PTPRK: variants seen among roughly 807,000 people sequenced by gnomAD.
PTPRK encodes the protein protein tyrosine phosphatase receptor type K.
PTPRK carries 75 observed loss-of-function variants against 178.0 expected under a neutral mutation model. That is an observed-to-expected ratio of 0.42 (90% CI 0.35 to 0.51). The LOEUF is 0.51. PTPRK is among the 20% of genes least tolerant of loss of function. The pLI is 0.02. For synonymous variants in PTPRK, 637 were observed against 620.6 expected (o/e 1.03, Z -0.39); for missense variants, 1,441 against 1,797.8 (o/e 0.80, Z 3.59).
At chr6:128,306,513 C>T (rs1562252584) in intron 3 of PTPRK, among the ~76,000 whole-genome samples, 1 of 152,114 alleles carries the variant, frequency 6.6e-6, no homozygotes, top group Non-Finnish European at 1.5e-5. Flanking sequence ...TCGAGAGAAT[C>T]GGCAAGGTAT....
At chr6:128,455,001 A>C (rs1267741491) in intron 1 of PTPRK, among the ~76,000 whole-genome samples, 2 of 152,184 alleles carry the variant, frequency 1.3e-5, no homozygotes, top group Non-Finnish European at 2.9e-5. Flanking sequence ...GCAAAGAGTC[A>C]ATCTCTAAGT....
chr6:128,312,383 C>T (rs1397380907), intron 3 of PTPRK, among the ~76,000 whole-genome samples: 1 of 152,110 alleles, frequency 6.6e-6, no homozygotes, highest in African/African-American at 2.4e-5. Flanking sequence ...TGGAAGCCAA[C>T]TGTAGTTTCA....
At chr6:128,463,587 A>G (rs968151676) in intron 1 of PTPRK, among the ~76,000 whole-genome samples, 1 of 151,636 alleles carries the variant, frequency 6.6e-6, no homozygotes, top group African/African-American at 2.4e-5. Context: ...AGTTTTATAT[A>G]AAACAAGTTT....
intron 3 of PTPRK, among the ~76,000 whole-genome samples, chr6:128,257,470 A>C (rs1817525510): frequency 6.6e-6 from 1 of 152,210 alleles, no homozygotes; most frequent in East Asian, 1.9e-4. Context: ...AACATGTAAT[A>C]GTATGCCTAA....
intron 13 of PTPRK, among the ~76,000 whole-genome samples, chr6:128,028,998 C>T (rs1189875094): frequency 6.6e-6 from 1 of 152,144 alleles, no homozygotes; most frequent in African/African-American, 2.4e-5. Flanking sequence ...ATCCATCTTC[C>T]ATGGTCAGTT....
At chr6:128,508,912 A>T (rs1237143558) in intron 1 of PTPRK, among the ~76,000 whole-genome samples, 1 of 151,142 alleles carries the variant, frequency 6.6e-6, no homozygotes, top group Non-Finnish European at 1.5e-5. Context: ...ATGCCACTGC[A>T]CTCCAGCCTG....
intron 1 of PTPRK, among the ~76,000 whole-genome samples, chr6:128,400,393 T>C (rs1186315187): frequency 2.0e-5 from 3 of 152,132 alleles, no homozygotes; most frequent in Non-Finnish European, 2.9e-5. Flanking sequence ...AATAACTCTG[T>C]ATAATGAGCA....
intron 2 of PTPRK, among the ~76,000 whole-genome samples, chr6:128,362,242 G>A (rs930294510): frequency 5.9e-5 from 9 of 152,220 alleles, no homozygotes; most frequent in African/African-American, 2.2e-4. Context: ...GGGAGCAAGG[G>A]AGGAAGGAGG....
At chr6:128,044,063 C>T (rs4498384) in intron 13 of PTPRK, among the ~76,000 whole-genome samples, 118,315 of 151,594 alleles carry the variant, frequency 0.78, 47,241 homozygotes, top group South Asian at 0.95. Context: ...CTAATAACAA[C>T]ATATTTTTCT....
At chr6:128,291,512 A>C (rs1823381722) in intron 3 of PTPRK, among the ~76,000 whole-genome samples, 1 of 152,156 alleles carries the variant, frequency 6.6e-6, no homozygotes, top group Non-Finnish European at 1.5e-5. Context: ...CTAGTAAGGA[A>C]CTGAGTTATA....
In PTPRK at chr6:128,109,616, C is replaced by T. The variant is rs546159131; in HGVS notation, c.1163-19624G>A. On this transcript the variant is annotated intron_variant, in intron 7 of 29. Coordinates refer to ENST00000368226, the MANE Select transcript of PTPRK (RefSeq NM_002844.4). Reference sequence around the variant, plus strand: ...CAAGAAAGGAAGCACAACTTAAATACTTGAAAACTTGGATTTTCTTATACT... The same window carrying T: ...CAAGAAAGGAAGCACAACTTAAATATTTGAAAACTTGGATTTTCTTATACT... Among the ~76,000 whole-genome samples, 355 of 152,224 alleles carry T rather than the reference C, an allele frequency of 2.3e-3. 2 individuals are homozygous for T. The highest frequency in any genetic ancestry group is 1.9e-3 in the Non-Finnish European group (131 of 67,998).
intron 6 of PTPRK, among the ~76,000 whole-genome samples, chr6:128,215,702 C>A (rs534431468): frequency 6.6e-6 from 1 of 151,852 alleles, no homozygotes; most frequent in African/African-American, 2.4e-5. Context: ...TTAAGCATGC[C>A]CTGTCACTTT....
chr6:128,081,901 T>G (rs930572438), intron 10 of PTPRK, among the ~76,000 whole-genome samples: 1 of 152,052 alleles, frequency 6.6e-6, no homozygotes, highest in Non-Finnish European at 1.5e-5. Flanking sequence ...AAAGTTTAAT[T>G]TCTTTATCAA....
rs570606302 is a variant in PTPRK at position 128,312,592 on chromosome 6, C to A, written c.495+9447G>T. Reference sequence around the variant, plus strand: ...TTTATCTCTCTCAGAAGACTTTCTTCCCCTCATTGTTTAATTATGGCATTT... The same window carrying A: ...TTTATCTCTCTCAGAAGACTTTCTTACCCTCATTGTTTAATTATGGCATTT... On this transcript the variant is annotated intron_variant, in intron 3 of 29. Coordinates refer to ENST00000368226, the MANE Select transcript of PTPRK (RefSeq NM_002844.4). 5.3e-5 allele frequency among the ~76,000 whole-genome samples: 8 copies of A among 152,220 alleles called. No individual in the cohort carries two copies. The South Asian group carries it at 1.5e-3, about 28-fold the overall frequency.
At chr6:128,464,645 A>ATATATATATG (rs1365214318) in intron 1 of PTPRK, among the ~76,000 whole-genome samples, 10 of 86,966 alleles carry the variant, frequency 1.1e-4, no homozygotes, top group East Asian at 5.5e-4. Flanking sequence ...ACACATATAT[A>ATATATATATG]TATATATATA....
intron 15 of PTPRK, among the ~76,000 whole-genome samples, chr6:128,004,303 T>C (rs1232443460): frequency 6.6e-6 from 1 of 151,834 alleles, no homozygotes; most frequent in Middle Eastern, 3.2e-3. Flanking sequence ...GCAATTTCAC[T>C]TAAATTTAAT....
At chr6:128,046,423 G>A (rs1778039546) in intron 13 of PTPRK, among the ~76,000 whole-genome samples, 1 of 152,074 alleles carries the variant, frequency 6.6e-6, no homozygotes, top group South Asian at 2.1e-4. Context: ...AGGGCTAGCA[G>A]CTTTCCCCAG....
At position 128,443,661 on chromosome 6, in the gene PTPRK, T is replaced by C. The variant is rs1846575284; in HGVS notation, c.101-45973A>G. On this transcript the variant is annotated intron_variant, in intron 1 of 29. Coordinates refer to ENST00000368226, the MANE Select transcript of PTPRK (RefSeq NM_002844.4). ...AGGTGAGGCAGAGACAGAGAAGGAATTATGACTCCCAGGTTTCTGATATTA... is the reference window on the plus strand; with the variant it reads ...AGGTGAGGCAGAGACAGAGAAGGAACTATGACTCCCAGGTTTCTGATATTA... Among the ~76,000 whole-genome samples, 3 of 152,052 alleles carry C rather than the reference T, an allele frequency of 2.0e-5. No homozygotes were observed. The South Asian group carries it at 6.2e-4, about 32-fold the overall frequency.
intron 5 of PTPRK, among the ~76,000 whole-genome samples, chr6:128,235,051 T>A (rs1328165653): frequency 1.3e-5 from 2 of 152,166 alleles, no homozygotes; most frequent in Non-Finnish European, 2.9e-5. Flanking sequence ...ATACTCAAGG[T>A]TACGGATACA....
Sources: gnomAD v4.1 joint callset for allele counts (sites outside exome capture counted in the v4.1 genomes callset) on GRCh38, gnomAD v4.1.1 for gene constraint, MANE v1.5 for transcripts, NCBI Gene and HGNC (gene_info 2026-07-23, HGNC 2026-07-21) for gene names.